Variants in NAV2 observed in about 807,000 individuals in gnomAD.
NAV2 encodes the protein neuron navigator 2.
A neutral mutation model predicts 223.2 loss-of-function variants in NAV2; 54 were observed. The observed-to-expected ratio is 0.24, with a 90% CI of 0.19 to 0.30. NAV2 has a LOEUF of 0.30. Ranked by LOEUF, NAV2 falls within the 10% of genes least tolerant of loss-of-function variation. The pLI is 1.00. For synonymous variants in NAV2, 1,279 were observed against 1,239.3 expected (o/e 1.03, Z -0.67); for missense variants, 2,806 against 3,147.5 (o/e 0.89, Z 2.60).
At chr11:19,981,669 C>T (rs2050300191) in intron 10 of NAV2, among the ~76,000 whole-genome samples, 2 of 152,160 alleles carry the variant, frequency 1.3e-5, no homozygotes, top group African/African-American at 2.4e-5. Flanking sequence ...ACTGAGTTCT[C>T]CTTGAAAGGA....
intron 26 of NAV2, among the ~76,000 whole-genome samples, chr11:20,087,171 C>T (rs937739051): frequency 6.6e-6 from 1 of 152,018 alleles, no homozygotes; most frequent in Non-Finnish European, 1.5e-5. Flanking sequence ...GGAGTAGGAA[C>T]GGGGCCAGAT....
intron 1 of NAV2, among the ~76,000 whole-genome samples, chr11:19,375,774 T>TTATTA (rs1297346280): frequency 3.3e-5 from 5 of 152,204 alleles, no homozygotes; most frequent in African/African-American, 1.2e-4. Flanking sequence ...TAATCCCATG[T>TTATTA]TATTATCACT....
At chr11:19,517,439 G>A (rs901969817) in intron 1 of NAV2, among the ~76,000 whole-genome samples, 1 of 152,220 alleles carries the variant, frequency 6.6e-6, no homozygotes, top group Non-Finnish European at 1.5e-5. Context: ...CTTTTGGGCG[G>A]ATTAAGTAAA....
intron 6 of NAV2, among the ~76,000 whole-genome samples, chr11:19,910,531 G>T (rs7928556): frequency 0.67 from 101,710 of 152,056 alleles, 38,501 homozygotes; most frequent in Non-Finnish European, 0.86. Flanking sequence ...AGGCGCCCTG[G>T]AGTTTGTTTT....
In NAV2 at chr11:20,105,710, C is replaced by T; in HGVS notation, c.6824C>T (p.Ser2275Phe). 1 of 1,612,438 alleles carries T rather than the reference C, an allele frequency of 6.2e-7. No homozygotes were observed. The highest frequency in any genetic ancestry group is 8.5e-7 in the Non-Finnish European group (1 of 1,179,668). Residue 2275 changes from serine to phenylalanine, a missense_variant, in exon 35 of 38, where the codon TCC (serine) becomes TTC (phenylalanine). Physicochemically the swap from Ser to Phe is radical, Grantham distance 155 (BLOSUM62 -2). This residue lies in a region of NAV2 where 824 missense variants were observed against 1,069.4 expected (regional missense o/e 0.77). Transcript: ENST00000349880. The stretch of plus-strand genomic sequence containing the variant: ...AACCGCTTCCTGGAGGCTCACAGTT[C>T]CTCGGACGTCACCATCGGTGGGTGG... ...HLNRFLEAHS[S>F]SDVTIGPRLF...
At chr11:20,078,229 C>A in intron 24 of NAV2, 125 bp downstream of exon 24, 1 of 722,092 alleles carries the variant, frequency 1.4e-6, no homozygotes. Context: ...CCATGTCAGG[C>A]AAGCAGGAAC....
At chr11:19,523,154 G>A (rs1442582625) in intron 1 of NAV2, among the ~76,000 whole-genome samples, 1 of 152,194 alleles carries the variant, frequency 6.6e-6, no homozygotes, top group Non-Finnish European at 1.5e-5. Flanking sequence ...GCTGAAGCTT[G>A]TGCTGCTCTG....
intron 22 of NAV2, among the ~76,000 whole-genome samples, chr11:20,075,993 C>T (rs1321323178): frequency 6.6e-6 from 1 of 152,184 alleles, no homozygotes; most frequent in Admixed American, 6.5e-5. Flanking sequence ...TTTCTCTTGT[C>T]ACTTTCTCAT....
chr11:19,488,657 C>A (rs1254635995), intron 1 of NAV2, among the ~76,000 whole-genome samples: 1 of 152,124 alleles, frequency 6.6e-6, no homozygotes, highest in East Asian at 1.9e-4. Context: ...ATATTAAATT[C>A]AATAATGCAT....
intron 1 of NAV2, among the ~76,000 whole-genome samples, chr11:19,497,090 C>G (rs1445203433): frequency 6.6e-6 from 1 of 152,190 alleles, no homozygotes; most frequent in Non-Finnish European, 1.5e-5. Context: ...AGCAGGTACC[C>G]ATTCCAAAGT....
Position 19,647,076 on chromosome 11 carries a change from C to A in NAV2, c.76-185408C>A, listed in dbSNP as rs142764907. Among the ~76,000 whole-genome samples, 968 of 152,284 alleles carry A rather than the reference C, an allele frequency of 6.4e-3. 18 individuals carry two copies. The highest frequency in any genetic ancestry group is 0.02 in the African/African-American group (849 of 41,556). On this transcript the variant is annotated intron_variant, in intron 1 of 37. Transcript: ENST00000360655. ...CGACACTTTTTCTCAGGGTCTCTGG[C>A]TTGAGCTGCTAGAACTTGCAATCCT...
At chr11:19,550,271 C>A (rs1439152418) in intron 1 of NAV2, among the ~76,000 whole-genome samples, 1 of 152,192 alleles carries the variant, frequency 6.6e-6, no homozygotes, top group African/African-American at 2.4e-5. Context: ...AGAAAATCAG[C>A]TGAGAAACTC....
chr11:19,659,775 C>G (rs1043128419), intron 1 of NAV2, among the ~76,000 whole-genome samples: 9 of 152,230 alleles, frequency 5.9e-5, no homozygotes, highest in Admixed American at 6.5e-5. Context: ...ACCCTGCCAT[C>G]TACTAGTGGT....
chr11:19,538,203 G>A (rs775973581), intron 1 of NAV2, among the ~76,000 whole-genome samples: 8 of 152,264 alleles, frequency 5.3e-5, no homozygotes, highest in Non-Finnish European at 7.3e-5. Flanking sequence ...GTCCAATAAC[G>A]CAGCCAAGCT....
Position 19,469,376 on chromosome 11 carries a change from ATAAGTTTGGCCTC to A in NAV2, c.75+118352_75+118364del, listed in dbSNP as rs552700514. Among the ~76,000 whole-genome samples, 241 of 152,342 alleles carry A rather than the reference ATAAGTTTGGCCTC, an allele frequency of 1.6e-3. 1 individual carries two copies. Among genetic ancestry groups the A allele is most frequent in the African/African-American group, 5.4e-3 (226 of 41,578 alleles). On this transcript the variant is annotated intron_variant, in intron 1 of 37. Coordinates refer to the NAV2 transcript ENST00000360655. ...AGAGGTGGAGAATAGCAAGGGGCTT[ATAAGTTTGGCCTC>A]TATGTTCCAGAGGATTTCGTACACT...
chr11:19,440,106 C>T (rs2702648), intron 1 of NAV2, among the ~76,000 whole-genome samples: 92,274 of 152,092 alleles, frequency 0.61, 28,302 homozygotes, highest in African/African-American at 0.68. Context: ...CGATCACACA[C>T]GTAAAAAATA....
intron 1 of NAV2, among the ~76,000 whole-genome samples, chr11:19,751,870 A>C (rs2053852417): frequency 6.6e-6 from 1 of 152,168 alleles, no homozygotes; most frequent in Non-Finnish European, 1.5e-5. Context: ...ATTCTACTCC[A>C]CATGCCACCT....
At chr11:19,628,826 C>G (rs2047254343) in intron 1 of NAV2, among the ~76,000 whole-genome samples, 1 of 152,198 alleles carries the variant, frequency 6.6e-6, no homozygotes, top group Non-Finnish European at 1.5e-5. Context: ...CTTCTGGAAT[C>G]ATTGATTACC....
chr11:19,892,652 G>C, intron 6 of NAV2, 58 bp downstream of exon 6: 1 of 1,554,134 alleles, frequency 6.4e-7, no homozygotes, highest in Non-Finnish European at 8.7e-7. Context: ...CATCTACCTA[G>C]TTCCTTCGGG....
Sources: gnomAD v4.1 joint callset for allele counts (sites outside exome capture counted in the v4.1 genomes callset) on GRCh38, gnomAD v4.1.1 for gene constraint, gnomAD v4.1.1 regional missense constraint, MANE v1.5 for transcripts, NCBI Gene and HGNC (gene_info 2026-07-23, HGNC 2026-07-21) for gene names.